The following ACSL3 variants were observed in gnomAD, a reference collection of about 807,000 sequenced individuals.
ACSL3 encodes the protein acyl-CoA synthetase long chain family member 3, also known as fatty acid CoA ligase Acsl3.
ACSL3 carries 34 observed loss-of-function variants against 84.7 expected under a neutral mutation model. The ratio of observed to expected loss-of-function variants is 0.40; its 90% confidence interval spans 0.31 to 0.53. The LOEUF (loss-of-function observed/expected upper bound fraction) is 0.53, where lower values mean the gene tolerates loss of function less well. Among genes scored for constraint, ACSL3 ranks in the 20% least tolerant of loss-of-function variants. The probability of loss-of-function intolerance (pLI) is 0.48; values close to 1 mark genes in which losing one functional copy is unlikely to be tolerated. For missense variants in ACSL3, 680 were observed against 873.1 expected, an observed-to-expected ratio of 0.78 and a Z score of 2.79; for synonymous variants, 315 against 299.4, an observed-to-expected ratio of 1.05 and a Z score of -0.54.
chr2:222,877,543 C>T (rs937039980), intron 1 of ACSL3, among the ~76,000 whole-genome samples: 14 of 152,170 alleles, frequency 9.2e-5, no homozygotes, highest in African/African-American at 3.4e-4. Context: ...ACCTCAGTGA[C>T]GGCTACATAT....
chr2:222,888,239 A>C (rs184534541), intron 2 of ACSL3, among the ~76,000 whole-genome samples: 4 of 152,342 alleles, frequency 2.6e-5, no homozygotes, highest in Admixed American at 6.5e-5. Context: ...GTAAATTTCT[A>C]ACTGGACATT....
chr2:222,920,659 G>C (rs1051426840), intron 7 of ACSL3, among the ~76,000 whole-genome samples: 1 of 150,852 alleles, frequency 6.6e-6, no homozygotes, highest in Admixed American at 6.6e-5. Flanking sequence ...CAGCCAAAGT[G>C]ATCTTTTTTT....
chr2:222,930,020 C>T (rs1010177408), intron 13 of ACSL3, among the ~76,000 whole-genome samples: 2 of 147,972 alleles, frequency 1.4e-5, no homozygotes, highest in Non-Finnish European at 3.0e-5. Context: ...CCTCCACCTC[C>T]TGGGTTCAAG....
chr2:222,928,896 A>G lies in ACSL3; in HGVS notation c.1500A>G (p.Pro500=). ...ACAATACTGGCAGAGTGGGAGCACC[A>G]TTAGTTTGCTGTGAAATCAAATTAA... ...WDYNTGRVGA[P]LVCCEIKLKN... Residue 500 remains proline (P), a synonymous_variant, in exon 13 of 17, where the codon CCA becomes CCG. Coordinates refer to ENST00000357430, the MANE Select transcript of ACSL3 (RefSeq NM_004457.5). The G allele has an allele frequency of 6.2e-7, 1 of 1,613,842 alleles. No individual in the cohort carries two copies. The highest frequency in any genetic ancestry group is 8.5e-7 in the Non-Finnish European group (1 of 1,179,856).
At chr2:222,917,235 G>A (rs1376562128) in intron 5 of ACSL3, among the ~76,000 whole-genome samples, 1 of 152,112 alleles carries the variant, frequency 6.6e-6, no homozygotes, top group Non-Finnish European at 1.5e-5. Flanking sequence ...GACTGCAGGC[G>A]CATGCCGCCA....
At chr2:222,873,528 A>T (rs1057363590) in intron 1 of ACSL3, among the ~76,000 whole-genome samples, 5 of 152,182 alleles carry the variant, frequency 3.3e-5, no homozygotes, top group African/African-American at 1.2e-4. Context: ...TGTGTGTTTG[A>T]TGAGAAAGTT....
chr2:222,908,298 A>G (rs1696350106), intron 3 of ACSL3, among the ~76,000 whole-genome samples: 1 of 152,214 alleles, frequency 6.6e-6, no homozygotes, highest in Non-Finnish European at 1.5e-5. Context: ...TGGGGCTCAC[A>G]GGGAAGGAAT....
intron 1 of ACSL3, among the ~76,000 whole-genome samples, chr2:222,885,459 ACCATTTTT>A (rs1245505293): frequency 2.6e-5 from 4 of 152,166 alleles, no homozygotes; most frequent in Non-Finnish European, 5.9e-5. Context: ...AATGAGGTTA[ACCATTTTT>A]AATAGGTAAT....
At chr2:222,940,141 C>T (rs551017016) in intron 16 of ACSL3, among the ~76,000 whole-genome samples, 1 of 152,292 alleles carries the variant, frequency 6.6e-6, no homozygotes, top group African/African-American at 2.4e-5. Context: ...TCCTTTCTCC[C>T]TTCATTTGCT....
intron 15 of ACSL3, 115 bp downstream of exon 15, chr2:222,933,395 C>T: frequency 1.5e-6 from 1 of 688,480 alleles, no homozygotes; most frequent in Non-Finnish European, 2.3e-6. Context: ...CTATCTGTTA[C>T]TTGTGGGAAT....
chr2:222,864,208 G>C (rs1424506616), intron 1 of ACSL3, among the ~76,000 whole-genome samples: 4 of 152,208 alleles, frequency 2.6e-5, no homozygotes, highest in Non-Finnish European at 5.9e-5. Context: ...CTAGGTTCTG[G>C]ATATGGGAAG....
intron 3 of ACSL3, among the ~76,000 whole-genome samples, chr2:222,903,491 C>T (rs546167923): frequency 2.8e-4 from 43 of 151,110 alleles, no homozygotes; most frequent in African/African-American, 1.0e-3. Context: ...TTGTGAAACA[C>T]TCAAAGATGT....
At chr2:222,888,612 A>AT (rs1174990717) in intron 2 of ACSL3, among the ~76,000 whole-genome samples, 1 of 152,176 alleles carries the variant, frequency 6.6e-6, no homozygotes, top group East Asian at 1.9e-4. Flanking sequence ...TAATCTTAAC[A>AT]TTTTTAACTG....
At chr2:222,893,804 A>G (rs1695901604) in intron 2 of ACSL3, among the ~76,000 whole-genome samples, 1 of 146,946 alleles carries the variant, frequency 6.8e-6, no homozygotes, top group African/African-American at 2.5e-5. Flanking sequence ...CTCACCTCAC[A>G]GGGTTGTTTT....
rs1470377564 is a variant in ACSL3, at chr2:222,926,890, CT to C, written c.1293-126del. On this transcript the variant is annotated intron_variant, in intron 11 of 16. Transcript: ENST00000357430. ...GGGCTCAAGAGACTCTCCAAATTGG[CT>C]GTGTGACCTTGGATAAGTAACTTAA... is the stretch of plus-strand genomic sequence containing the variant. The C allele has an allele frequency of 1.7e-5, 16 of 969,186 alleles. No individual in the cohort carries two copies. In the African/African-American group the frequency reaches 2.3e-4, roughly 14 times the overall value. The allele number at this position is 969,186 out of a possible 1,614,324, so 60.0% of individuals were successfully genotyped here.
chr2:222,904,132 G>A (rs1464249378), intron 3 of ACSL3, among the ~76,000 whole-genome samples: 1 of 152,132 alleles, frequency 6.6e-6, no homozygotes, highest in Non-Finnish European at 1.5e-5. Context: ...TTAGCCGGGC[G>A]TGATGGTGCA....
At chr2:222,893,244 A>G (rs1695884865) in intron 2 of ACSL3, among the ~76,000 whole-genome samples, 2 of 152,074 alleles carry the variant, frequency 1.3e-5, no homozygotes, top group Non-Finnish European at 2.9e-5. Flanking sequence ...ACTTTGTGGG[A>G]GCATTTCTAA....
At chr2:222,888,542 T>C (rs534295986) in intron 2 of ACSL3, among the ~76,000 whole-genome samples, 126 of 152,344 alleles carry the variant, frequency 8.3e-4, no homozygotes, top group Non-Finnish European at 1.4e-3. Flanking sequence ...ATCATGATAG[T>C]TGACATCCTT....
chr2:222,882,749 C>A, intron 1 of ACSL3, among the ~76,000 whole-genome samples: 1 of 143,444 alleles, frequency 7.0e-6, no homozygotes, highest in African/African-American at 2.6e-5. Context: ...TCTGGAATAC[C>A]TCCAGATCAC....
Sources: gnomAD v4.1 joint callset for allele counts (sites outside exome capture counted in the v4.1 genomes callset) on GRCh38, gnomAD v4.1.1 for gene constraint, MANE v1.5 for transcripts, NCBI Gene and HGNC (gene_info 2026-07-23, HGNC 2026-07-21) for gene names.